CACNA2D1: variants seen among roughly 807,000 people sequenced by gnomAD.
CACNA2D1 encodes voltage-dependent calcium channel subunit alpha-2/delta-1.
Under a neutral mutation model 171.5 loss-of-function variants are expected in CACNA2D1, and 53 were observed. The ratio of observed to expected loss-of-function variants is 0.31; its 90% CI spans 0.25 to 0.39. CACNA2D1 has a LOEUF of 0.39. CACNA2D1 is among the 10% of genes least tolerant of loss of function. The pLI is 1.00. For missense variants in CACNA2D1, 903 were observed against 1,299.8 expected, an observed-to-expected ratio of 0.69 and a Z score of 4.69; for synonymous variants, 442 against 443.1, an observed-to-expected ratio of 1.00 and a Z score of 0.03.
intron 7 of CACNA2D1, among the ~76,000 whole-genome samples, chr7:82,080,074 TATATGCGTAC>T (rs1809543784): frequency 6.6e-6 from 1 of 150,930 alleles, no homozygotes; most frequent in Non-Finnish European, 1.5e-5. Flanking sequence ...TATACGTATA[TATATGCGTAC>T]ATATGTATAG....
rs151234675 is a variant in CACNA2D1, at chr7:82,180,077, G to A, written c.295-9468C>T. Among the ~76,000 whole-genome samples the A allele has an allele frequency of 7.8e-3, 1,193 of 152,030 alleles. 8 individuals are homozygous for A. Among genetic ancestry groups the A allele is most frequent in the Middle Eastern group, 0.014 (4 of 294 alleles). On this transcript the variant is annotated intron_variant, in intron 3 of 38. Transcript: ENST00000356860. The stretch of plus-strand genomic sequence containing the variant: ...ACCATATTGAGAGAAATTTCTCCTC[G>A]GGTCCCTCATGTTTCTGCATGTCAC...
chr7:82,127,471 A>AT (rs1212855009), intron 5 of CACNA2D1, among the ~76,000 whole-genome samples: 2 of 152,198 alleles, frequency 1.3e-5, no homozygotes, highest in African/African-American at 4.8e-5. Flanking sequence ...AACAAGCATT[A>AT]TTTCAGCAAT....
chr7:82,425,863 T>C (rs1829123469), intron 1 of CACNA2D1, among the ~76,000 whole-genome samples: 1 of 150,376 alleles, frequency 6.6e-6, no homozygotes, highest in Non-Finnish European at 1.5e-5. Flanking sequence ...GCGTGGTGGC[T>C]CACTCCTGTA....
At chr7:82,229,750 C>A (rs887558508) in intron 3 of CACNA2D1, among the ~76,000 whole-genome samples, 4 of 150,542 alleles carry the variant, frequency 2.7e-5, no homozygotes, top group African/African-American at 9.8e-5. Flanking sequence ...AGGCTGCTTT[C>A]AAATTCTGGG....
At chr7:82,204,445 C>T (rs1316545741) in intron 3 of CACNA2D1, among the ~76,000 whole-genome samples, 1 of 152,140 alleles carries the variant, frequency 6.6e-6, no homozygotes, top group Non-Finnish European at 1.5e-5. Flanking sequence ...CCTGTTGCTG[C>T]CTGCCCCAAC....
chr7:82,354,786 A>AG (rs1820234114), intron 1 of CACNA2D1, among the ~76,000 whole-genome samples: 1 of 152,138 alleles, frequency 6.6e-6, no homozygotes, highest in Admixed American at 6.6e-5. Context: ...GCAAGTTCAG[A>AG]GAAAAAAGAC....
At chr7:82,164,836 T>G (rs1187843709) in intron 4 of CACNA2D1, among the ~76,000 whole-genome samples, 2 of 152,006 alleles carry the variant, frequency 1.3e-5, no homozygotes, top group Non-Finnish European at 2.9e-5. Context: ...TTTTTTTATT[T>G]TGCAGTTCAG....
intron 3 of CACNA2D1, among the ~76,000 whole-genome samples, chr7:82,279,002 A>G (rs1209093720): frequency 6.6e-6 from 1 of 152,158 alleles, no homozygotes; most frequent in Admixed American, 6.5e-5. Flanking sequence ...TGGCTCCCTT[A>G]AAGCTTCCAA....
At chr7:82,319,127 AC>A (rs1815493045) in intron 3 of CACNA2D1, among the ~76,000 whole-genome samples, 1 of 152,224 alleles carries the variant, frequency 6.6e-6, no homozygotes, top group South Asian at 2.1e-4. Context: ...ATGAGTAAAT[AC>A]AAAAAAGTCC....
intron 11 of CACNA2D1, among the ~76,000 whole-genome samples, chr7:82,037,456 G>A (rs1031682211): frequency 6.6e-6 from 1 of 150,974 alleles, no homozygotes; most frequent in East Asian, 2.0e-4. Context: ...TCCAGCCTAG[G>A]TGACAAGAGT....
chr7:82,106,301 T>G (rs1023484766), intron 6 of CACNA2D1, among the ~76,000 whole-genome samples: 16 of 152,142 alleles, frequency 1.1e-4, no homozygotes, highest in Admixed American at 2.6e-4. Context: ...TTTTTCCAGT[T>G]GTCAATCCCT....
chr7:82,148,683 G>A (rs1793435575), intron 4 of CACNA2D1, among the ~76,000 whole-genome samples: 1 of 152,162 alleles, frequency 6.6e-6, no homozygotes, highest in Admixed American at 6.5e-5. Flanking sequence ...TTGTCGACCA[G>A]CTGGAGTGCA....
intron 3 of CACNA2D1, among the ~76,000 whole-genome samples, chr7:82,278,284 T>C (rs1004889193): frequency 1.8e-4 from 27 of 152,096 alleles, no homozygotes; most frequent in African/African-American, 5.3e-4. Context: ...CAAACAAAAT[T>C]ACACATCTTC....
At chr7:82,399,628 T>A (rs761309646) in intron 1 of CACNA2D1, among the ~76,000 whole-genome samples, 3 of 152,100 alleles carry the variant, frequency 2.0e-5, no homozygotes, top group Non-Finnish European at 4.4e-5. Context: ...CAGTTTTAAA[T>A]CACTTCCTTT....
chr7:82,254,305 A>G (rs1806020375), intron 3 of CACNA2D1, among the ~76,000 whole-genome samples: 1 of 152,184 alleles, frequency 6.6e-6, no homozygotes, highest in Non-Finnish European at 1.5e-5. Flanking sequence ...GGGAGAAGGA[A>G]CCATAAAAGG....
intron 1 of CACNA2D1, among the ~76,000 whole-genome samples, chr7:82,374,849 T>C (rs1822838832): frequency 6.6e-6 from 1 of 151,778 alleles, no homozygotes; most frequent in Non-Finnish European, 1.5e-5. Context: ...CTCTTGGATA[T>C]GTAGATTGTA....
At chr7:82,099,141 C>T (rs571527245) in intron 6 of CACNA2D1, among the ~76,000 whole-genome samples, 10 of 152,216 alleles carry the variant, frequency 6.6e-5, no homozygotes, top group East Asian at 3.9e-4. Flanking sequence ...ATCAAACTGA[C>T]GGAAGCCAAG....
intron 7 of CACNA2D1, among the ~76,000 whole-genome samples, chr7:82,079,641 G>A (rs911021807): frequency 2.7e-5 from 4 of 150,652 alleles, no homozygotes; most frequent in Non-Finnish European, 4.4e-5. Context: ...GCAGTGAGCC[G>A]AGATTACGCC....
chr7:82,026,797 T>A (rs963309184), intron 12 of CACNA2D1, among the ~76,000 whole-genome samples: 1 of 151,712 alleles, frequency 6.6e-6, no homozygotes, highest in Non-Finnish European at 1.5e-5. Context: ...GTACACTATT[T>A]TATGTATATA....
Sources: allele counts gnomAD v4.1 joint callset (sites outside exome capture counted in the v4.1 genomes callset), GRCh38; gene constraint gnomAD v4.1.1; transcripts MANE v1.5; gene names NCBI Gene and HGNC (gene_info 2026-07-23, HGNC 2026-07-21).